The following APH1B variants were observed in gnomAD, a reference collection of about 807,000 sequenced individuals.
APH1B encodes gamma-secretase subunit APH-1B.
APH1B carries 27 observed loss-of-function variants against 28.2 expected under a neutral mutation model. The observed-to-expected ratio is 0.96, with a 90% confidence interval of 0.70 to 1.32. The LOEUF (loss-of-function observed/expected upper bound fraction) is 1.32, where lower values mean the gene tolerates loss of function less well. Ranked by LOEUF, APH1B falls within the 40% of genes most tolerant of loss-of-function variation. The pLI is 0.00. For missense variants in APH1B, 305 were observed against 313.6 expected (o/e 0.97, Z 0.21); for synonymous variants, 141 against 124.6 (o/e 1.13, Z -0.88).
At chr15:63,287,600 T>TA in intron 4 of APH1B, 54 bp downstream of exon 4, 1 of 1,580,546 alleles carries the variant, frequency 6.3e-7, no homozygotes, top group Non-Finnish European at 8.6e-7. Flanking sequence ...TGATCATTCT[T>TA]ATTGGGGTTC....
At chr15:63,291,586 G>A (rs1217292376) in intron 4 of APH1B, 1 of 152,196 alleles carries the variant, frequency 6.6e-6, no homozygotes, top group African/African-American at 2.4e-5. Context: ...AGATCTAGAA[G>A]CCATGGCCTG....
chr15:63,286,510 CTTTTTTT>C, intron 2 of APH1B, 41 bp from the exon 3 acceptor site: 8 of 1,242,326 alleles, frequency 6.4e-6, no homozygotes, highest in Non-Finnish European at 8.8e-6. Flanking sequence ...ATTGCTCTTC[CTTTTTTT>C]TTTTTTTTTC....
chr15:63,290,119 C>T (rs911080263), intron 4 of APH1B, among the ~76,000 whole-genome samples: 2 of 152,082 alleles, frequency 1.3e-5, no homozygotes, highest in African/African-American at 4.8e-5. Flanking sequence ...TGGTCCCAAA[C>T]ATTTCAGATA....
At chr15:63,288,722 T>A (rs2038473355) in intron 4 of APH1B, among the ~76,000 whole-genome samples, 1 of 152,236 alleles carries the variant, frequency 6.6e-6, no homozygotes, top group Non-Finnish European at 1.5e-5. Context: ...TAGCAAATTA[T>A]CTTTCTTTTG....
chr15:63,293,289 C>A (rs949207734), intron 4 of APH1B, among the ~76,000 whole-genome samples: 1 of 149,630 alleles, frequency 6.7e-6, no homozygotes, highest in Non-Finnish European at 1.5e-5. Flanking sequence ...CTCACCCTCC[C>A]CAGTAGCTGG....
At chr15:63,277,827 C>A (rs994267319) in intron 1 of APH1B, 91 bp downstream of exon 1, 4 of 1,295,628 alleles carry the variant, frequency 3.1e-6, no homozygotes, top group Middle Eastern at 1.9e-4. Flanking sequence ...CCGCGCGGCT[C>A]GACCTTGTTG....
At chr15:63,281,546 A>AC (rs2038388185) in intron 2 of APH1B, among the ~76,000 whole-genome samples, 2 of 151,854 alleles carry the variant, frequency 1.3e-5, no homozygotes, top group African/African-American at 4.8e-5. Flanking sequence ...AAAAAAAAAA[A>AC]AAAAACAAAA....
chr15:63,302,883 G>C (rs1464861108), intron 5 of APH1B, among the ~76,000 whole-genome samples: 2 of 151,970 alleles, frequency 1.3e-5, no homozygotes, highest in Admixed American at 6.6e-5. Flanking sequence ...CTCTCTCTCT[G>C]TTTCTAATTA....
Position 63,306,568 on chromosome 15 carries a change from T to G in APH1B, c.*787T>G, listed in dbSNP as rs1186794243. On this transcript the variant is annotated 3_prime_UTR_variant, in exon 6 of 6. Coordinates refer to ENST00000261879, the MANE Select transcript of APH1B (RefSeq NM_031301.4). ...CAATGTCTATAAGCCTGTTTAAAGCTTTCCATGGGCTCTGCCCCAAGGCCG... is the reference window on the plus strand; with the variant it reads ...CAATGTCTATAAGCCTGTTTAAAGCGTTCCATGGGCTCTGCCCCAAGGCCG... The G allele has an allele frequency of 6.6e-6, 1 of 152,230 alleles. No individual in the cohort carries two copies. The highest frequency in any genetic ancestry group is 1.5e-5 in the Non-Finnish European group (1 of 68,048). 9.4% of individuals were successfully genotyped at this position (152,230 alleles called of 1,614,324 possible).
chr15:63,298,439 G>A (rs1043676824), intron 4 of APH1B, among the ~76,000 whole-genome samples: 1 of 152,092 alleles, frequency 6.6e-6, no homozygotes, highest in Non-Finnish European at 1.5e-5. Flanking sequence ...TCGAACTCCT[G>A]GGCTCAAGTG....
chr15:63,288,700 G>A (rs1201245363), intron 4 of APH1B, among the ~76,000 whole-genome samples: 2 of 152,182 alleles, frequency 1.3e-5, no homozygotes, highest in Admixed American at 1.3e-4. Context: ...TTATTTAATG[G>A]TGCTTCCAAC....
At chr15:63,284,368 C>T (rs1274909788) in intron 2 of APH1B, among the ~76,000 whole-genome samples, 1 of 152,088 alleles carries the variant, frequency 6.6e-6, no homozygotes, top group Non-Finnish European at 1.5e-5. Context: ...CACACACCAC[C>T]ACACCCGGCT....
chr15:63,288,317 A>G (rs561794396), intron 4 of APH1B, among the ~76,000 whole-genome samples: 3 of 152,350 alleles, frequency 2.0e-5, no homozygotes, highest in Admixed American at 2.0e-4. Context: ...CATTTCAGTA[A>G]CACTTTAAGG....
At chr15:63,298,845 T>C (rs2038594470) in intron 4 of APH1B, among the ~76,000 whole-genome samples, 1 of 149,092 alleles carries the variant, frequency 6.7e-6, no homozygotes, top group Admixed American at 6.6e-5. Flanking sequence ...AAAGATAATA[T>C]ATATAATCTT....
At position 63,307,476 on chromosome 15, in the gene APH1B, A is replaced by G. The variant is rs79106040; in HGVS notation, c.*1695A>G. ...CCCTAAAGTTTACTTCAGCACTAAC[A>G]CTAGTGCTTCCGCTGGAGTTTGCAG... On this transcript the variant is annotated 3_prime_UTR_variant, in exon 6 of 6. Transcript: ENST00000261879. 4 of 152,318 alleles carry G rather than the reference A, an allele frequency of 2.6e-5. No homozygotes were observed. The highest frequency in any genetic ancestry group is 7.2e-5 in the African/African-American group (3 of 41,564). The allele number at this position is 152,318 out of a possible 1,614,324, so 9.4% of individuals were successfully genotyped here.
chr15:63,286,464 C>A (rs1336959906), intron 2 of APH1B, 94 bp from the exon 3 acceptor site: 4 of 981,278 alleles, frequency 4.1e-6, no homozygotes, highest in East Asian at 2.7e-5. Flanking sequence ...CAGTGAGTAT[C>A]TGGGTTTGAA....
intron 4 of APH1B, among the ~76,000 whole-genome samples, chr15:63,300,048 A>G (rs1278685234): frequency 6.6e-6 from 1 of 152,080 alleles, no homozygotes; most frequent in Non-Finnish European, 1.5e-5. Flanking sequence ...ATTTTCTTTC[A>G]GGGGAGGGAG....
In APH1B at chr15:63,277,666, G is replaced by C; in HGVS notation, c.43G>C (p.Gly15Arg). The change falls in exon 1 of 6, where the codon GGG becomes CGG. Residue 15 changes from glycine (G) to arginine (R), a missense_variant. Transcript: ENST00000261879. ...VFFGCAFIAF[G>R]PALALYVFTI... ...CTTCGGCTGCGCCTTCATTGCCTTC[G>C]GGCCTGCGCTCGCCCTTTATGTCTT... The C allele has an allele frequency of 1.2e-6, 2 of 1,607,932 alleles. No homozygotes were observed. The highest frequency in any genetic ancestry group is 8.5e-7 in the Non-Finnish European group (1 of 1,177,424).
chr15:63,280,061 G>A (rs1024014360), intron 2 of APH1B, among the ~76,000 whole-genome samples: 1 of 152,164 alleles, frequency 6.6e-6, no homozygotes, highest in African/African-American at 2.4e-5. Context: ...GCCTCCCAAA[G>A]TGTTAGGATT....
Sources: allele counts gnomAD v4.1 joint callset (sites outside exome capture counted in the v4.1 genomes callset), GRCh38; gene constraint gnomAD v4.1.1; transcripts MANE v1.5; gene names NCBI Gene and HGNC (gene_info 2026-07-23, HGNC 2026-07-21).